XYLT1: variants seen among roughly 807,000 people sequenced by gnomAD.
The protein encoded by XYLT1 is beta-D-xylosyltransferase 1.
A neutral mutation model predicts 91.3 loss-of-function variants in XYLT1; 36 were observed. The observed-to-expected ratio is 0.39, with a 90% CI of 0.30 to 0.52. The LOEUF is 0.52. Among genes scored for constraint, XYLT1 ranks in the 20% least tolerant of loss-of-function variants. The pLI, the probability that XYLT1 is intolerant of heterozygous loss-of-function variation, is 0.68. For synonymous variants in XYLT1, 588 were observed against 532.0 expected, an observed-to-expected ratio of 1.11 and a Z score of -1.45; for missense variants, 1,242 against 1,284.5, an observed-to-expected ratio of 0.97 and a Z score of 0.51.
chr16:17,164,060 A>AG (rs1282031813), intron 5 of XYLT1, among the ~76,000 whole-genome samples: 12 of 149,230 alleles, frequency 8.0e-5, no homozygotes, highest in East Asian at 1.9e-4. Context: ...AAAAAAAAAA[A>AG]AAAAAAAAAG....
At position 17,102,008 on chromosome 16, in the gene XYLT1, C is replaced by G. The variant is rs1050501695; in HGVS notation, c.*6687G>C. 1 of 152,256 alleles carries G rather than the reference C, an allele frequency of 6.6e-6. No homozygotes were observed. Among genetic ancestry groups the G allele is most frequent in the Admixed American group, 6.5e-5 (1 of 15,294 alleles). 9.4% of individuals were successfully genotyped at this position (152,256 alleles called of 1,614,324 possible). ...CCTTCTTGTTATTCTCTACTCAGTA[C>G]GGGTTTAAAAATCATATACTTCTGC... is the stretch of plus-strand genomic sequence containing the variant. On this transcript the variant is annotated 3_prime_UTR_variant, in exon 12 of 12. Coordinates refer to ENST00000261381, the MANE Select transcript of XYLT1 (RefSeq NM_022166.4).
chr16:17,214,308 C>T (rs1192731734), intron 3 of XYLT1, among the ~76,000 whole-genome samples: 1 of 152,226 alleles, frequency 6.6e-6, no homozygotes, highest in Non-Finnish European at 1.5e-5. Flanking sequence ...CCCATTAACT[C>T]TGGGAGGTCG....
rs10675523 is a variant in XYLT1 at position 17,337,781 on chromosome 16, C to CT, written c.402+20230dup. 2.9e-3 allele frequency among the ~76,000 whole-genome samples: 363 copies of CT among 124,428 alleles called. 8 individuals are homozygous for CT. The highest frequency in any genetic ancestry group is 3.7e-3 in the East Asian group (17 of 4,580). The allele number at this position is 124,428 out of a possible 152,430, so 81.6% of individuals were successfully genotyped here. A position where few individuals can be genotyped will look rare whatever the true frequency, so the allele number is the denominator to read the frequency against. On this transcript the variant is annotated intron_variant, in intron 2 of 11. Transcript: ENST00000261381. ...TGTCTGTTCCACATTTTTTCTTTTT[C>CT]TTTTTTTTTTTTTTTGTGAGACAGA...
chr16:17,124,800 C>CT (rs1418845998), intron 10 of XYLT1, among the ~76,000 whole-genome samples: 1 of 21,502 alleles, frequency 4.7e-5, no homozygotes, highest in African/African-American at 1.1e-4. Context: ...TTTAAAAATT[C>CT]TTTTTTGTGT....
At chr16:17,419,399 C>A (rs1411537256) in intron 1 of XYLT1, among the ~76,000 whole-genome samples, 1 of 152,154 alleles carries the variant, frequency 6.6e-6, no homozygotes, top group Non-Finnish European at 1.5e-5. Flanking sequence ...ATTGACATAG[C>A]TCAGGGGTCT....
In XYLT1 at chr16:17,141,339, G is replaced by C; in HGVS notation, c.1401C>G (p.Leu467=). The change falls in exon 7 of 12, where the codon CTC becomes CTG. Residue 467 remains leucine, a synonymous_variant. Coordinates refer to ENST00000261381, the MANE Select transcript of XYLT1 (RefSeq NM_022166.4). The part of the protein sequence containing the change: ...RFIRKQGLDR[L]FLECDAHMWR... ...ACATGTGAGCGTCGCACTCCAGGAA[G>C]AGCCGATCCAGGCCCTGCTTCCGAA... 2 of 1,614,186 alleles carry C rather than the reference G, an allele frequency of 1.2e-6. No homozygotes were observed. Among genetic ancestry groups the C allele is most frequent in the Non-Finnish European group, 1.7e-6 (2 of 1,180,048 alleles).
intron 1 of XYLT1, among the ~76,000 whole-genome samples, chr16:17,409,394 G>A (rs1383533935): frequency 2.0e-5 from 3 of 152,114 alleles, no homozygotes; most frequent in Non-Finnish European, 4.4e-5. Flanking sequence ...CAGCAATGAT[G>A]TGCATATTTC....
intron 2 of XYLT1, among the ~76,000 whole-genome samples, chr16:17,325,104 T>C (rs1403806222): frequency 6.6e-6 from 1 of 152,084 alleles, no homozygotes; most frequent in Non-Finnish European, 1.5e-5. Flanking sequence ...AAAAGAATAC[T>C]CTGGGCGGGG....
At chr16:17,124,629 C>CTTGTATTTAGATG (rs2141492440) in intron 10 of XYLT1, among the ~76,000 whole-genome samples, 1 of 152,296 alleles carries the variant, frequency 6.6e-6, no homozygotes, top group Admixed American at 6.5e-5. Context: ...CTTTGAACTT[C>CTTGTATTTAGATG]TTGTATTTAG....
chr16:17,127,904 G>T (rs770834150), intron 9 of XYLT1, 43 bp from the exon 10 acceptor site: 1 of 1,574,218 alleles, frequency 6.4e-7, no homozygotes, highest in Admixed American at 1.8e-5. Flanking sequence ...AAGGTGTGTA[G>T]GATCACAGTG....
In XYLT1 at chr16:17,342,918, C is replaced by T. The variant is rs183967008; in HGVS notation, c.402+15094G>A. Among the ~76,000 whole-genome samples, 221 of 152,024 alleles carry T rather than the reference C, an allele frequency of 1.5e-3. 1 individual carries two copies. Among genetic ancestry groups the T allele is most frequent in the Admixed American group, 8.0e-3 (122 of 15,284 alleles). On this transcript the variant is annotated intron_variant, in intron 2 of 11. Coordinates refer to ENST00000261381, the MANE Select transcript of XYLT1 (RefSeq NM_022166.4). ...TAATATGATATGCTATTGATAATTG[C>T]GATGATGAAAAGCAAATCCAGAAAA...
intron 3 of XYLT1, among the ~76,000 whole-genome samples, chr16:17,208,823 C>A (rs547671885): frequency 1.3e-5 from 2 of 152,150 alleles, no homozygotes; most frequent in African/African-American, 4.8e-5. Context: ...CTCCCGGGTT[C>A]AAGCGATTCT....
intron 6 of XYLT1, among the ~76,000 whole-genome samples, chr16:17,151,405 G>A (rs574251367): frequency 7.9e-5 from 12 of 152,204 alleles, no homozygotes; most frequent in African/African-American, 2.6e-4. Context: ...GTGATGGAGC[G>A]AGACTCTGTC....
At chr16:17,340,966 T>C (rs901776237) in intron 2 of XYLT1, among the ~76,000 whole-genome samples, 1 of 152,188 alleles carries the variant, frequency 6.6e-6, no homozygotes, top group Non-Finnish European at 1.5e-5. Flanking sequence ...CAAGATACTG[T>C]TTTTACTCAT....
intron 3 of XYLT1, among the ~76,000 whole-genome samples, chr16:17,243,015 G>C (rs1208663528): frequency 6.6e-6 from 1 of 152,166 alleles, no homozygotes; most frequent in East Asian, 1.9e-4. Context: ...CCTTTCATCT[G>C]TTCATGGACA....
intron 2 of XYLT1, among the ~76,000 whole-genome samples, chr16:17,260,059 T>C (rs1458302269): frequency 6.7e-6 from 1 of 149,904 alleles, no homozygotes; most frequent in Non-Finnish European, 1.5e-5. Context: ...TTAAGAGGAA[T>C]GCAGCCCTTG....
At chr16:17,138,714 C>CTCTTT (rs968483193) in intron 7 of XYLT1, 183 bp from the exon 8 acceptor site, 13 of 587,838 alleles carry the variant, frequency 2.2e-5, no homozygotes, top group African/African-American at 3.7e-5. Flanking sequence ...CCAAATAAAC[C>CTCTTT]TCTTTTCTTT....
chr16:17,166,490 T>C (rs1361773844), intron 5 of XYLT1, among the ~76,000 whole-genome samples: 1 of 150,884 alleles, frequency 6.6e-6, no homozygotes, highest in Middle Eastern at 3.2e-3. Context: ...ACCTGCCCCA[T>C]GGGAAGGGCT....
chr16:17,233,242 T>A (rs1686995586), intron 3 of XYLT1, among the ~76,000 whole-genome samples: 1 of 152,226 alleles, frequency 6.6e-6, no homozygotes, highest in South Asian at 2.1e-4. Context: ...GGCAAACTCA[T>A]GCCCAGCCTC....
Sources: allele counts gnomAD v4.1 joint callset (sites outside exome capture counted in the v4.1 genomes callset), GRCh38; gene constraint gnomAD v4.1.1; transcripts MANE v1.5; gene names NCBI Gene and HGNC (gene_info 2026-07-23, HGNC 2026-07-21).